ATF7: variants seen among roughly 807,000 people sequenced by gnomAD.
The protein encoded by ATF7 is cyclic AMP-dependent transcription factor ATF-7.
In ATF7, 10 loss-of-function variants were observed where a neutral mutation model predicts 50.4. The observed-to-expected ratio is 0.20, with a 90% CI of 0.12 to 0.34. The LOEUF (loss-of-function observed/expected upper bound fraction) is 0.34. Among genes scored for constraint, ATF7 ranks in the 10% least tolerant of loss-of-function variants. The pLI, the probability that ATF7 is intolerant of heterozygous loss-of-function variation, is 1.00. For synonymous variants in ATF7, 201 were observed against 226.4 expected, an observed-to-expected ratio of 0.89 and a Z score of 1.01; for missense variants, 465 against 613.9, an observed-to-expected ratio of 0.76 and a Z score of 2.56.
rs1455501651 is a variant in ATF7, at chr12:53,513,380, T to A, written c.*3757A>T. ...CAAACAGACACAGAGAAATCAGTCC[T>A]GTACTATGAGAGGGATGACTAGAGT... On this transcript the variant is annotated 3_prime_UTR_variant, in exon 12 of 12. Coordinates refer to ENST00000420353, the MANE Select transcript of ATF7 (RefSeq NM_006856.3). 1.3e-5 allele frequency: 2 copies of A among 152,130 alleles called. No individual in the cohort carries two copies. The highest frequency in any genetic ancestry group is 2.9e-5 in the Non-Finnish European group (2 of 68,024). 9.4% of individuals were successfully genotyped at this position (152,130 alleles called of 1,614,324 possible). A position where few individuals can be genotyped will look rare whatever the true frequency, so the allele number is the denominator to read the frequency against.
rs1437125633 is a variant in ATF7, at chr12:53,515,433, T to TGG, written c.*1702_*1703dup. ...GAAGGACATTCTTGGCTTGCACAGA[T>TGG]GGCAGAAAGTGGCTCTGGGACAACT... On this transcript the variant is annotated 3_prime_UTR_variant, in exon 12 of 12. Coordinates refer to ENST00000420353, the MANE Select transcript of ATF7 (RefSeq NM_006856.3). 1.3e-5 allele frequency: 2 copies of TGG among 152,208 alleles called. No homozygotes were observed. Among genetic ancestry groups the TGG allele is most frequent in the Non-Finnish European group, 2.9e-5 (2 of 68,034 alleles). The allele number at this position is 152,208 out of a possible 1,614,324, so 9.4% of individuals were successfully genotyped here.
chr12:53,597,841 A>G (rs1199477267), intron 2 of ATF7, among the ~76,000 whole-genome samples: 2 of 151,550 alleles, frequency 1.3e-5, no homozygotes, highest in Non-Finnish European at 2.9e-5. Flanking sequence ...ATCCTGAGTT[A>G]TAATTGTTTT....
intron 11 of ATF7, among the ~76,000 whole-genome samples, chr12:53,521,313 T>C (rs1416625231): frequency 6.6e-5 from 10 of 152,182 alleles, no homozygotes; most frequent in Non-Finnish European, 1.0e-4. Flanking sequence ...ACTTTTCTGC[T>C]GAAAACCCTC....
At chr12:53,618,846 G>A (rs1268698903) in intron 1 of ATF7, among the ~76,000 whole-genome samples, 3 of 152,064 alleles carry the variant, frequency 2.0e-5, no homozygotes, top group African/African-American at 2.4e-5. Context: ...GAGCTCAGGC[G>A]TTCGAGACCA....
chr12:53,595,127 A>C (rs547257053), intron 2 of ATF7, among the ~76,000 whole-genome samples: 81 of 152,342 alleles, frequency 5.3e-4, no homozygotes, highest in African/African-American at 1.9e-3. Flanking sequence ...TAGATGAATT[A>C]TTGAATGAAA....
chr12:53,608,215 T>C (rs1191748609), intron 1 of ATF7, among the ~76,000 whole-genome samples: 2 of 109,404 alleles, frequency 1.8e-5, no homozygotes, highest in Non-Finnish European at 3.5e-5. Context: ...CAAGACTCTG[T>C]CTCAAAAAAA....
intron 1 of ATF7, among the ~76,000 whole-genome samples, chr12:53,624,115 G>C (rs1315112778): frequency 1.3e-5 from 2 of 152,200 alleles, no homozygotes; most frequent in Non-Finnish European, 2.9e-5. Flanking sequence ...ACCAAAACAA[G>C]GGACTCTGCT....
In ATF7 at chr12:53,522,179, T is replaced by C. The variant is rs534617131; in HGVS notation, c.1234+1097A>G. ...ACAAACTGAAACCAACGTCAGCCTA[T>C]CATTAGATAAAATGTACCCTATATC... On this transcript the variant is annotated intron_variant, in intron 11 of 11. Coordinates refer to ENST00000420353, the MANE Select transcript of ATF7 (RefSeq NM_006856.3). 2.6e-5 allele frequency among the ~76,000 whole-genome samples: 4 copies of C among 152,350 alleles called. No individual in the cohort carries two copies. In the South Asian group the frequency reaches 6.2e-4, roughly 24 times the overall value.
intron 2 of ATF7, among the ~76,000 whole-genome samples, chr12:53,573,714 T>A (rs1464254373): frequency 6.6e-6 from 1 of 152,162 alleles, no homozygotes; most frequent in East Asian, 1.9e-4. Flanking sequence ...CCCCAGAGCA[T>A]TCTGTTCTTC....
intron 2 of ATF7, among the ~76,000 whole-genome samples, chr12:53,569,456 C>T (rs756628350): frequency 6.6e-6 from 1 of 152,212 alleles, no homozygotes; most frequent in East Asian, 1.9e-4. Context: ...CTTTCAAAAC[C>T]TGTTAAAGCA....
chr12:53,531,729 G>T lies in ATF7; in HGVS notation c.927+15C>A, dbSNP rs1484785593. On this transcript the variant is annotated intron_variant, in intron 9 of 11. Coordinates refer to ENST00000420353, the MANE Select transcript of ATF7 (RefSeq NM_006856.3). ...ACGTCATAAAGATATGACATAAAGAGTAAGAGCCACTGACCTGTGGCTGGG... is the reference window on the plus strand; with the variant it reads ...ACGTCATAAAGATATGACATAAAGATTAAGAGCCACTGACCTGTGGCTGGG... 6.2e-7 allele frequency: 1 copy of T among 1,605,326 alleles called. No individual in the cohort carries two copies. The highest frequency in any genetic ancestry group is 8.5e-7 in the Non-Finnish European group (1 of 1,176,130).
chr12:53,575,160 C>A (rs556278753), intron 2 of ATF7, among the ~76,000 whole-genome samples: 12 of 151,936 alleles, frequency 7.9e-5, no homozygotes, highest in Non-Finnish European at 1.8e-4. Flanking sequence ...GTAATCCCAG[C>A]ACTTTGGGAG....
intron 9 of ATF7, among the ~76,000 whole-genome samples, chr12:53,525,817 C>T (rs572472611): frequency 6.6e-6 from 1 of 152,280 alleles, no homozygotes; most frequent in African/African-American, 2.4e-5. Context: ...CCAAAAATTT[C>T]TTAAAATGTA....
At chr12:53,608,303 T>A (rs1943702678) in intron 1 of ATF7, among the ~76,000 whole-genome samples, 1 of 151,676 alleles carries the variant, frequency 6.6e-6, no homozygotes. Context: ...AACAGTATAT[T>A]TAAAAATTAT....
In ATF7 at chr12:53,524,741, G is replaced by T; in HGVS notation, c.948C>A (p.Thr316=). The change falls in exon 10 of 12, where the codon ACC becomes ACA. Residue 316 remains threonine, a synonymous_variant. Transcript: ENST00000420353. This position sits in a 1 kb window ranked among gnomAD's most constrained non-coding sequence, Gnocchi z 4.6. The stretch of plus-strand genomic sequence containing the variant: ...GCCGCCGTCGCCCCCCAGTACTAGG[G>T]GTGGGCTGAGCTGGTGAGACCTGGT... ...AQPQVSPAQP[T]PSTGGRRRRT... The T allele has an allele frequency of 6.2e-7, 1 of 1,609,306 alleles. No individual in the cohort carries two copies. The highest frequency in any genetic ancestry group is 1.1e-5 in the South Asian group (1 of 90,754).
chr12:53,559,175 T>A (rs905970802), intron 2 of ATF7, among the ~76,000 whole-genome samples: 1 of 151,712 alleles, frequency 6.6e-6, no homozygotes, highest in African/African-American at 2.4e-5. Flanking sequence ...AAACTGTAAA[T>A]AAGGAATAAA....
chr12:53,508,963 A>G (rs764184530), downstream of ATF7, among the ~76,000 whole-genome samples: 1 of 152,196 alleles, frequency 6.6e-6, no homozygotes, highest in Non-Finnish European at 1.5e-5. Context: ...GTAGCCTAGA[A>G]TCCTGTCTTA....
At chr12:53,507,889 G>C, downstream of ATF7, 1 of 171,502 alleles carries the variant, frequency 5.8e-6, no homozygotes, top group East Asian at 1.6e-4. Context: ...GGATGTCCTG[G>C]AGTGGAAGAG....
At chr12:53,614,728 A>G (rs528820744) in intron 1 of ATF7, among the ~76,000 whole-genome samples, 16 of 152,336 alleles carry the variant, frequency 1.1e-4, no homozygotes, top group Admixed American at 4.6e-4. Context: ...AGTCCTAAAC[A>G]TGTAAGTGTA....
Sources: allele counts gnomAD v4.1 joint callset (sites outside exome capture counted in the v4.1 genomes callset), GRCh38; gene constraint gnomAD v4.1.1; non-coding constraint Gnocchi (gnomAD v3.1); transcripts MANE v1.5; gene names NCBI Gene and HGNC (gene_info 2026-07-23, HGNC 2026-07-21).